Variants in SRPK1 observed in about 807,000 individuals in gnomAD.
The protein encoded by SRPK1 is SFRS protein kinase 1.
A neutral mutation model predicts 89.5 loss-of-function variants in SRPK1; 52 were observed. The observed-to-expected ratio is 0.58, with a 90% CI of 0.46 to 0.73. The LOEUF (loss-of-function observed/expected upper bound fraction) is 0.73, where lower values mean the gene tolerates loss of function less well. SRPK1 is among the 30% of genes least tolerant of loss of function. SRPK1 has a pLI of 0.00. For synonymous variants in SRPK1, 255 were observed against 270.2 expected, an observed-to-expected ratio of 0.94 and a Z score of 0.55; for missense variants, 603 against 780.6, an observed-to-expected ratio of 0.77 and a Z score of 2.71.
intron 2 of SRPK1, among the ~76,000 whole-genome samples, chr6:35,905,408 A>C (rs1048359178): frequency 3.9e-5 from 6 of 152,196 alleles, no homozygotes; most frequent in African/African-American, 7.2e-5. Context: ...CTAAAAAAAA[A>C]CCCAACATAA....
At chr6:35,873,575 C>T (rs970227885) in intron 7 of SRPK1, among the ~76,000 whole-genome samples, 11 of 151,740 alleles carry the variant, frequency 7.2e-5, no homozygotes, top group African/African-American at 2.2e-4. Context: ...CTGCAACCTC[C>T]GCCTCCCGGG....
chr6:35,921,014 C>G, intron 1 of SRPK1, 30 bp downstream of exon 1: 2 of 1,540,250 alleles, frequency 1.3e-6, no homozygotes, highest in Non-Finnish European at 1.7e-6. Context: ...GACCATTGCC[C>G]CTCGTGGCGG....
intron 2 of SRPK1, among the ~76,000 whole-genome samples, chr6:35,906,108 A>G (rs1314430657): frequency 1.3e-5 from 2 of 152,230 alleles, no homozygotes; most frequent in Non-Finnish European, 2.9e-5. Context: ...AAAAAAAGCA[A>G]TCAAAGACAT....
intron 2 of SRPK1, among the ~76,000 whole-genome samples, chr6:35,902,842 T>C (rs1369528180): frequency 6.6e-6 from 1 of 152,224 alleles, no homozygotes; most frequent in Non-Finnish European, 1.5e-5. Context: ...CTGTTAAAGC[T>C]ATTCTAAAAG....
At chr6:35,893,543 T>A (rs543427774) in intron 2 of SRPK1, among the ~76,000 whole-genome samples, 15 of 151,686 alleles carry the variant, frequency 9.9e-5, no homozygotes, top group Non-Finnish European at 2.2e-4. Context: ...GTTGACACCA[T>A]ACACTGCACA....
At chr6:35,864,379 A>G (rs1348856463) in intron 12 of SRPK1, among the ~76,000 whole-genome samples, 1 of 152,176 alleles carries the variant, frequency 6.6e-6, no homozygotes, top group African/African-American at 2.4e-5. Flanking sequence ...TGATCAAAAA[A>G]TGGGCCAAAG....
At chr6:35,920,314 T>A (rs776768167) in intron 2 of SRPK1, 154 bp downstream of exon 2, 2 of 777,796 alleles carry the variant, frequency 2.6e-6, no homozygotes, top group East Asian at 2.6e-5. Flanking sequence ...CTCTTCCACA[T>A]GGTTGCTGGA....
At chr6:35,867,382 A>T (rs1264456436) in intron 12 of SRPK1, among the ~76,000 whole-genome samples, 1 of 152,244 alleles carries the variant, frequency 6.6e-6, no homozygotes, top group Non-Finnish European at 1.5e-5. Flanking sequence ...CTAAAAGGTT[A>T]TCACAATATT....
At chr6:35,883,960 C>T (rs1371153938) in intron 6 of SRPK1, among the ~76,000 whole-genome samples, 1 of 151,974 alleles carries the variant, frequency 6.6e-6, no homozygotes, top group African/African-American at 2.4e-5. Flanking sequence ...GTCTCGGTCT[C>T]CTGACCTCGT....
intron 14 of SRPK1, chr6:35,838,660 T>C: frequency 6.6e-7 from 1 of 1,525,116 alleles, no homozygotes; most frequent in Non-Finnish European, 8.9e-7. Flanking sequence ...TTGGTGTGAA[T>C]GCTCTGCTTC....
intron 2 of SRPK1, among the ~76,000 whole-genome samples, chr6:35,917,840 G>A (rs916958437): frequency 6.6e-6 from 1 of 152,174 alleles, no homozygotes; most frequent in Non-Finnish European, 1.5e-5. Flanking sequence ...CACTATGACT[G>A]AACTGCCAGT....
At position 35,882,121 on chromosome 6, in the gene SRPK1, G is replaced by C. The variant is rs200389851; in HGVS notation, c.478+4603C>G. On this transcript the variant is annotated intron_variant, in intron 6 of 15. Transcript: ENST00000373825. ...AGTAGCAATAGTAGTAGTAGTACTA[G>C]TAGTAGTAGTAGTAGTAGTAGTAGT... Among the ~76,000 whole-genome samples, 5 of 10,418 alleles carry C rather than the reference G, an allele frequency of 4.8e-4. No individual in the cohort carries two copies. In the East Asian group the frequency reaches 9.8e-3, roughly 20 times the overall value. 6.8% of individuals were successfully genotyped at this position (10,418 alleles called of 152,430 possible). A position where few individuals can be genotyped will look rare whatever the true frequency, so the allele number is the denominator to read the frequency against.
intron 12 of SRPK1, among the ~76,000 whole-genome samples, chr6:35,865,688 T>A (rs1011809805): frequency 2.6e-5 from 4 of 152,126 alleles, no homozygotes; most frequent in African/African-American, 9.7e-5. Flanking sequence ...GCACATTCAC[T>A]GGGAAAAAGA....
In SRPK1 at chr6:35,835,405, C is replaced by G; in HGVS notation, c.1867G>C (p.Ala623Pro). The change falls in exon 16 of 16, where the codon GCA becomes CCA. Residue 623 changes from alanine to proline, a missense_variant. By Grantham distance (27) the Ala-to-Pro change is conservative. Coordinates refer to ENST00000373825, the MANE Select transcript of SRPK1 (RefSeq NM_003137.5). ...VEKYEWSQEE[A>P]AGFTDFLLPM... ...AGTAAGAAATCTGTGAAGCCAGCTGCCTCTTCCTGCGACCACTCATACTTC... is the reference window on the plus strand; with the variant it reads ...AGTAAGAAATCTGTGAAGCCAGCTGGCTCTTCCTGCGACCACTCATACTTC... 6.2e-7 allele frequency: 1 copy of G among 1,613,716 alleles called. No individual in the cohort carries two copies. Among genetic ancestry groups the G allele is most frequent in the Non-Finnish European group, 8.5e-7 (1 of 1,179,818 alleles).
At chr6:35,902,414 C>A (rs1373200785) in intron 2 of SRPK1, among the ~76,000 whole-genome samples, 1 of 150,646 alleles carries the variant, frequency 6.6e-6, no homozygotes, top group African/African-American at 2.4e-5. Context: ...GACCCTGTTT[C>A]TAAAAAATAA....
chr6:35,920,964 T>C, intron 1 of SRPK1, 80 bp downstream of exon 1: 1 of 1,481,828 alleles, frequency 6.7e-7, no homozygotes, highest in South Asian at 1.3e-5. Flanking sequence ...CCGCGGCAGT[T>C]AAGCGAAGCT....
chr6:35,886,468 G>A (rs1349397171), intron 6 of SRPK1, among the ~76,000 whole-genome samples: 5 of 152,072 alleles, frequency 3.3e-5, no homozygotes, highest in African/African-American at 4.8e-5. Context: ...GTGATACAAC[G>A]CATTTTCTAA....
intron 15 of SRPK1, among the ~76,000 whole-genome samples, chr6:35,836,986 A>C (rs1331824471): frequency 6.6e-6 from 1 of 152,148 alleles, no homozygotes; most frequent in Non-Finnish European, 1.5e-5. Context: ...AGGATTGAGA[A>C]AAGTCATTTT....
At chr6:35,872,769 C>G in intron 7 of SRPK1, 41 bp from the exon 8 acceptor site, 1 of 1,516,092 alleles carries the variant, frequency 6.6e-7, no homozygotes, top group Non-Finnish European at 8.8e-7. Context: ...ACACAAAATA[C>G]AGGCTTTCTG....
Sources: gnomAD v4.1 joint callset for allele counts (sites outside exome capture counted in the v4.1 genomes callset) on GRCh38, gnomAD v4.1.1 for gene constraint, MANE v1.5 for transcripts, NCBI Gene and HGNC (gene_info 2026-07-23, HGNC 2026-07-21) for gene names.